Variants in LIX1 observed in about 807,000 individuals in gnomAD.
The protein encoded by LIX1 is protein limb expression 1 homolog.
In LIX1, 24 loss-of-function variants were observed where a neutral mutation model predicts 33.4. The ratio of observed to expected loss-of-function variants is 0.72; its 90% confidence interval spans 0.52 to 1.01. The LOEUF is 1.01. Ranked by LOEUF, LIX1 falls within the 50% of genes least tolerant of loss-of-function variation. The pLI is 0.00. For synonymous variants in LIX1, 124 were observed against 124.0 expected (o/e 1.00, Z 0.00); for missense variants, 311 against 339.2 (o/e 0.92, Z 0.65).
In LIX1 at chr5:97,094,763, C is replaced by G; in HGVS notation, c.834G>C (p.Leu278=). The G allele has an allele frequency of 6.2e-7, 1 of 1,613,838 alleles. No individual in the cohort carries two copies. The highest frequency in any genetic ancestry group is 8.5e-7 in the Non-Finnish European group (1 of 1,179,786). Residue 278 remains leucine (L), a synonymous_variant, in exon 6 of 6, where the codon CTG becomes CTC. Transcript: ENST00000274382. ...CTTGGCCTTGCTAGTGATAGCCACACAGGGCCGTAAGGCTCAGCTGATCAT... is the reference window on the plus strand; with the variant it reads ...CTTGGCCTTGCTAGTGATAGCCACAGAGGGCCGTAAGGCTCAGCTGATCAT... ...PSDDQLSLTA[L]CGYH
chr5:97,129,080 C>T (rs1353667955), intron 1 of LIX1, among the ~76,000 whole-genome samples: 1 of 152,120 alleles, frequency 6.6e-6, no homozygotes, highest in African/African-American at 2.4e-5. Context: ...AACCTCCTCT[C>T]CCCAAGTTCA....
chr5:97,106,109 C>T (rs1747007030), intron 3 of LIX1, among the ~76,000 whole-genome samples: 1 of 152,214 alleles, frequency 6.6e-6, no homozygotes, highest in East Asian at 1.9e-4. Flanking sequence ...TAGAAGCATG[C>T]AACCATGTAT....
chr5:97,126,741 G>A lies in LIX1; in HGVS notation c.83-2112C>T, dbSNP rs149203741. Reference sequence around the variant, plus strand: ...TGCAAGCTCTGCCTCCCTGGTTCACGCCATTCTCCTGCCTCAGCCTCCTGA... The same window carrying A: ...TGCAAGCTCTGCCTCCCTGGTTCACACCATTCTCCTGCCTCAGCCTCCTGA... On this transcript the variant is annotated intron_variant, in intron 1 of 5. Transcript: ENST00000274382. 5.1e-3 allele frequency among the ~76,000 whole-genome samples: 747 copies of A among 146,470 alleles called. 6 individuals carry two copies. The highest frequency in any genetic ancestry group is 0.017 in the African/African-American group (689 of 39,380).
At chr5:97,110,125 GT>G (rs748246037) in intron 2 of LIX1, among the ~76,000 whole-genome samples, 1 of 152,124 alleles carries the variant, frequency 6.6e-6, no homozygotes, top group Non-Finnish European at 1.5e-5. Flanking sequence ...GGATCAAATG[GT>G]AGTTCTACTA....
At chr5:97,111,324 C>G (rs1284974009) in intron 2 of LIX1, among the ~76,000 whole-genome samples, 1 of 152,102 alleles carries the variant, frequency 6.6e-6, no homozygotes, top group African/African-American at 2.4e-5. Flanking sequence ...AAGATATATA[C>G]TTTTTATTTT....
rs1387368407 is a variant in LIX1, at chr5:97,093,905, A to C, written c.*843T>G. Reference sequence around the variant, plus strand: ...TTTTTCAAAATGTTTTAACCTTTAAAATGCCATTAATTTTTCTCTCTGTAG... The same window carrying C: ...TTTTTCAAAATGTTTTAACCTTTAACATGCCATTAATTTTTCTCTCTGTAG... On this transcript the variant is annotated 3_prime_UTR_variant, in exon 6 of 6. Coordinates refer to ENST00000274382, the MANE Select transcript of LIX1 (RefSeq NM_153234.5). The C allele has an allele frequency of 6.6e-6, 1 of 152,364 alleles. No homozygotes were observed. Among genetic ancestry groups the C allele is most frequent in the East Asian group, 1.9e-4 (1 of 5,344 alleles). 9.4% of individuals were successfully genotyped at this position (152,364 alleles called of 1,614,324 possible).
At chr5:97,118,270 T>G (rs1747688076) in intron 2 of LIX1, among the ~76,000 whole-genome samples, 1 of 152,238 alleles carries the variant, frequency 6.6e-6, no homozygotes, top group African/African-American at 2.4e-5. Context: ...ATGAAATGCA[T>G]TAATTCAAGT....
intron 2 of LIX1, among the ~76,000 whole-genome samples, chr5:97,114,802 G>A (rs1349491661): frequency 1.3e-5 from 2 of 152,138 alleles, no homozygotes; most frequent in Non-Finnish European, 2.9e-5. Context: ...CAATTTGGGG[G>A]CCCTTGTTTA....
chr5:97,130,039 G>A lies in LIX1; in HGVS notation c.83-5410C>T, dbSNP rs1748021043. Among the ~76,000 whole-genome samples the A allele has an allele frequency of 1.1e-4, 16 of 152,320 alleles. No individual in the cohort carries two copies. The South Asian group carries it at 3.3e-3, about 32-fold the overall frequency. ...TACGGAATGAGCAGTCCATGTGCAC[G>A]TAAACCAATATCCTTATCATCAATC... On this transcript the variant is annotated intron_variant, in intron 1 of 5. Coordinates refer to ENST00000274382, the MANE Select transcript of LIX1 (RefSeq NM_153234.5).
chr5:97,093,769 T>A lies in LIX1; in HGVS notation c.*979A>T, dbSNP rs893585393. 6.6e-6 allele frequency: 1 copy of A among 152,320 alleles called. No homozygotes were observed. The highest frequency in any genetic ancestry group is 1.5e-5 in the Non-Finnish European group (1 of 68,036). The allele number at this position is 152,320 out of a possible 1,614,324, so 9.4% of individuals were successfully genotyped here. Reference sequence around the variant, plus strand: ...CTTAAACTTAATAATGATACTACATTTGAGCTACTGGTTGCTTATGTTCTT... The same window carrying A: ...CTTAAACTTAATAATGATACTACATATGAGCTACTGGTTGCTTATGTTCTT... On this transcript the variant is annotated 3_prime_UTR_variant, in exon 6 of 6. Transcript: ENST00000274382.
rs1322865258 is a variant in LIX1, at chr5:97,142,542, A to G, written c.35T>C (p.Ile12Thr). The G allele has an allele frequency of 6.2e-7, 1 of 1,614,108 alleles. No homozygotes were observed. The highest frequency in any genetic ancestry group is 1.7e-5 in the Admixed American group (1 of 60,028). ...DRTLESLRHI[I>T]AQVLPHRDPA... Reference sequence around the variant, plus strand: ...ATCTCTGTGAGGCAAGACTTGGGCAATGATGTGTCTCAGAGATTCCAAGGT... The same window carrying G: ...ATCTCTGTGAGGCAAGACTTGGGCAGTGATGTGTCTCAGAGATTCCAAGGT... Residue 12 changes from isoleucine (I) to threonine (T), a missense_variant, in exon 1 of 6, where the codon ATT becomes ACT. By Grantham distance (89) the Ile-to-Thr change is moderately conservative. Coordinates refer to ENST00000274382, the MANE Select transcript of LIX1 (RefSeq NM_153234.5).
rs888428871 is a variant in LIX1, at chr5:97,093,618, C to T, written c.*1130G>A. 3.9e-5 allele frequency: 2 copies of T among 51,842 alleles called. No individual in the cohort carries two copies. Among genetic ancestry groups the T allele is most frequent in the African/African-American group, 2.2e-4 (2 of 9,072 alleles). 3.2% of individuals were successfully genotyped at this position (51,842 alleles called of 1,614,324 possible). Reference sequence around the variant, plus strand: ...GCAACATGATGAAATCCCGTCTCTACTAAAAAAAAAAAAAAAAAAAAAGTT... The same window carrying T: ...GCAACATGATGAAATCCCGTCTCTATTAAAAAAAAAAAAAAAAAAAAAGTT... On this transcript the variant is annotated 3_prime_UTR_variant, in exon 6 of 6. Transcript: ENST00000274382.
intron 4 of LIX1, among the ~76,000 whole-genome samples, chr5:97,099,798 C>T (rs1449969238): frequency 2.0e-5 from 3 of 152,142 alleles, no homozygotes; most frequent in Non-Finnish European, 4.4e-5. Context: ...GATCGCGATA[C>T]CACACTCCAG....
chr5:97,133,791 C>T lies in LIX1; in HGVS notation c.82+8704G>A, dbSNP rs1264355297. 2.6e-5 allele frequency among the ~76,000 whole-genome samples: 4 copies of T among 152,164 alleles called. No homozygotes were observed. The East Asian group carries it at 5.8e-4, about 22-fold the overall frequency. ...ATGGATGCTAAAGGCAATAGACCTG[C>T]TCCTAGCAAAAACTACCATGAGGAG... is the stretch of plus-strand genomic sequence containing the variant. On this transcript the variant is annotated intron_variant, in intron 1 of 5. Coordinates refer to ENST00000274382, the MANE Select transcript of LIX1 (RefSeq NM_153234.5).
chr5:97,094,822 T>A lies in LIX1; in HGVS notation c.775A>T (p.Ile259Phe). Residue 259 changes from isoleucine to phenylalanine, a missense_variant, in exon 6 of 6, where the codon ATC becomes TTC. Transcript: ENST00000274382. ...KEILSLALTQ[I>F]CSDPDTSSPS... ...GAGGAAGTGTCAGGGTCACTGCAGA[T>A]CTGAGTCAGGGCTAAGCTCAATATT... 6.2e-7 allele frequency: 1 copy of A among 1,614,210 alleles called. No individual in the cohort carries two copies. Among genetic ancestry groups the A allele is most frequent in the Non-Finnish European group, 8.5e-7 (1 of 1,180,034 alleles).
chr5:97,097,741 C>T (rs368621326), intron 4 of LIX1, among the ~76,000 whole-genome samples: 1 of 151,968 alleles, frequency 6.6e-6, no homozygotes, highest in Non-Finnish European at 1.5e-5. Context: ...GACAGAGCTA[C>T]TGCATTAGGC....
chr5:97,120,271 T>G (rs1747745397), intron 2 of LIX1, among the ~76,000 whole-genome samples: 1 of 152,232 alleles, frequency 6.6e-6, no homozygotes, highest in East Asian at 1.9e-4. Context: ...TAACTTCATT[T>G]ATTCTTTGGA....
intron 2 of LIX1, among the ~76,000 whole-genome samples, chr5:97,108,131 G>C (rs1161596374): frequency 6.6e-6 from 1 of 152,212 alleles, no homozygotes; most frequent in Non-Finnish European, 1.5e-5. Context: ...AGGCCAGCCA[G>C]ACATTTTTAT....
In LIX1 at chr5:97,093,300, G is replaced by T. The variant is rs943077500; in HGVS notation, c.*1448C>A. The stretch of plus-strand genomic sequence containing the variant: ...TTATAATGGTTTTGCTTTCAGTGAA[G>T]CATGTATGCACTTGCATAAACAAAA... On this transcript the variant is annotated 3_prime_UTR_variant, in exon 6 of 6. Transcript: ENST00000274382. 1 of 152,160 alleles carries T rather than the reference G, an allele frequency of 6.6e-6. No homozygotes were observed. The highest frequency in any genetic ancestry group is 1.5e-5 in the Non-Finnish European group (1 of 68,012). 9.4% of individuals were successfully genotyped at this position (152,160 alleles called of 1,614,324 possible). A position where few individuals can be genotyped will look rare whatever the true frequency, so the allele number is the denominator to read the frequency against.
Sources: allele counts gnomAD v4.1 joint callset (sites outside exome capture counted in the v4.1 genomes callset), GRCh38; gene constraint gnomAD v4.1.1; transcripts MANE v1.5; gene names NCBI Gene and HGNC (gene_info 2026-07-23, HGNC 2026-07-21).